NEO1: variants seen among roughly 807,000 people sequenced by gnomAD.
The protein encoded by NEO1 is neogenin.
Under a neutral mutation model 159.7 loss-of-function variants are expected in NEO1, and 63 were observed. That is an observed-to-expected ratio of 0.39 (90% CI 0.32 to 0.49). The LOEUF (loss-of-function observed/expected upper bound fraction) is 0.49. NEO1 is among the 20% of genes least tolerant of loss of function. The probability of loss-of-function intolerance (pLI) is 0.85; values close to 1 mark genes in which losing one functional copy is unlikely to be tolerated. For synonymous variants in NEO1, 633 were observed against 662.0 expected (o/e 0.96, Z 0.67); for missense variants, 1,615 against 1,831.0 (o/e 0.88, Z 2.15).
At chr15:73,221,109 G>T (rs1596381197) in intron 7 of NEO1, among the ~76,000 whole-genome samples, 1 of 152,104 alleles carries the variant, frequency 6.6e-6, no homozygotes, top group East Asian at 1.9e-4. Flanking sequence ...TTTTTGGTGT[G>T]GATGTCCTTT....
chr15:73,234,031 C>T (rs960048428), intron 7 of NEO1, among the ~76,000 whole-genome samples: 7 of 152,096 alleles, frequency 4.6e-5, no homozygotes, highest in Non-Finnish European at 1.0e-4. Flanking sequence ...GGGCTCTTTC[C>T]GGTATGCTCT....
chr15:73,149,609 G>A (rs1233944513), intron 5 of NEO1, among the ~76,000 whole-genome samples: 2 of 131,058 alleles, frequency 1.5e-5, no homozygotes, highest in African/African-American at 5.0e-5. Flanking sequence ...GAAAGTAGAA[G>A]GAAAAAAAAG....
chr15:73,063,163 C>T (rs2068056292), intron 1 of NEO1, among the ~76,000 whole-genome samples: 1 of 152,136 alleles, frequency 6.6e-6, no homozygotes, highest in African/African-American at 2.4e-5. Context: ...TGAGCTAGTG[C>T]TAAAGTAATG....
intron 5 of NEO1, among the ~76,000 whole-genome samples, chr15:73,171,745 G>A (rs2034986824): frequency 1.3e-5 from 2 of 151,534 alleles, no homozygotes; most frequent in South Asian, 2.1e-4. Context: ...GGGTTCAAGC[G>A]ATTCTCCGGT....
At chr15:73,089,147 G>T (rs2069535493) in intron 1 of NEO1, among the ~76,000 whole-genome samples, 1 of 152,100 alleles carries the variant, frequency 6.6e-6, no homozygotes, top group Non-Finnish European at 1.5e-5. Flanking sequence ...TGATTATAAT[G>T]ATGAGTGAAC....
chr15:73,084,341 G>T (rs954863168), intron 1 of NEO1, among the ~76,000 whole-genome samples: 1 of 151,986 alleles, frequency 6.6e-6, no homozygotes, highest in Non-Finnish European at 1.5e-5. Context: ...CCACCATTCT[G>T]CTGTCTGCAT....
chr15:73,057,684 CA>C (rs980339392), intron 1 of NEO1, among the ~76,000 whole-genome samples: 1 of 151,788 alleles, frequency 6.6e-6, no homozygotes, highest in Non-Finnish European at 1.5e-5. Context: ...TAAATAGTGA[CA>C]AAAAAAGGCA....
At position 73,177,767 on chromosome 15, in the gene NEO1, C is replaced by G. The variant is rs180878870; in HGVS notation, c.1171-540C>G. 3.7e-3 allele frequency among the ~76,000 whole-genome samples: 563 copies of G among 152,216 alleles called. 3 individuals carry two copies. The highest frequency in any genetic ancestry group is 0.012 in the African/African-American group (516 of 41,536). On this transcript the variant is annotated intron_variant, in intron 6 of 28. Transcript: ENST00000261908. ...TGTTGCTCAGTCTGGTCTTCAGCGC[C>G]TGGGCTCAAGTGATACTCCTGCCTC...
intron 7 of NEO1, among the ~76,000 whole-genome samples, chr15:73,198,529 T>G (rs915412356): frequency 2.0e-5 from 3 of 146,596 alleles, no homozygotes; most frequent in Admixed American, 1.4e-4. Context: ...AAGCTTTTGG[T>G]TTTTTTTTTT....
Position 73,295,125 on chromosome 15 carries a change from A to AATATATATATATAT in NEO1, c.3901+1582_3901+1595dup, listed in dbSNP as rs10524460. On this transcript the variant is annotated intron_variant, in intron 26 of 28. Coordinates refer to ENST00000261908, the MANE Select transcript of NEO1 (RefSeq NM_002499.4). ...AAGATCCCGTCTCTACTAAATATTA[A>AATATATATATATAT]ATATATATATATATATATGTAAAAA... Among the ~76,000 whole-genome samples the AATATATATATATAT allele has an allele frequency of 1.4e-3, 139 of 100,148 alleles. 5 individuals carry two copies. Among genetic ancestry groups the AATATATATATATAT allele is most frequent in the Non-Finnish European group, 2.1e-3 (97 of 45,916 alleles). 65.7% of individuals were successfully genotyped at this position (100,148 alleles called of 152,430 possible). A position where few individuals can be genotyped will look rare whatever the true frequency, so the allele number is the denominator to read the frequency against.
chr15:73,146,448 G>T (rs2032905191), intron 5 of NEO1, among the ~76,000 whole-genome samples: 1 of 152,054 alleles, frequency 6.6e-6, no homozygotes, highest in Non-Finnish European at 1.5e-5. Flanking sequence ...ATATTTTTAA[G>T]GTATTACTGT....
chr15:73,072,966 C>T (rs1326291509), intron 1 of NEO1, among the ~76,000 whole-genome samples: 4 of 152,120 alleles, frequency 2.6e-5, no homozygotes, highest in South Asian at 2.1e-4. Context: ...ATGTCTTTTA[C>T]GGAGAAAGAA....
Position 73,052,664 on chromosome 15 carries a change from C to A in NEO1, c.-12C>A. On this transcript the variant is annotated 5_prime_UTR_variant, in exon 1 of 29. Coordinates refer to ENST00000261908, the MANE Select transcript of NEO1 (RefSeq NM_002499.4). ...GCTGTCGCCGCCGCTGCCGCTCACT[C>A]TCGGGGAAGAGATGGCGGCGGAGCG... is the stretch of plus-strand genomic sequence containing the variant. The A allele has an allele frequency of 7.6e-7, 1 of 1,321,462 alleles. No individual in the cohort carries two copies. The highest frequency in any genetic ancestry group is 1.7e-5 in the South Asian group (1 of 59,244). The allele number at this position is 1,321,462 out of a possible 1,614,324, so 81.9% of individuals were successfully genotyped here.
At chr15:73,169,570 T>G (rs1434088971) in intron 5 of NEO1, among the ~76,000 whole-genome samples, 1 of 151,906 alleles carries the variant, frequency 6.6e-6, no homozygotes, top group South Asian at 2.1e-4. Flanking sequence ...ACATTGCTTA[T>G]GATGATTTTT....
At chr15:73,080,840 C>A (rs1445119564) in intron 1 of NEO1, among the ~76,000 whole-genome samples, 1 of 151,972 alleles carries the variant, frequency 6.6e-6, no homozygotes, top group Non-Finnish European at 1.5e-5. Context: ...AGGTGTGCTG[C>A]AGCCAAGGTG....
chr15:73,099,401 C>A (rs1409591476), intron 1 of NEO1, among the ~76,000 whole-genome samples: 1 of 152,180 alleles, frequency 6.6e-6, no homozygotes, highest in Non-Finnish European at 1.5e-5. Context: ...AATTCTAGAA[C>A]CTGGTTTACA....
At position 73,145,472 on chromosome 15, in the gene NEO1, G is replaced by A. The variant is rs1033936988; in HGVS notation, c.1015+9445G>A. Among the ~76,000 whole-genome samples the A allele has an allele frequency of 2.0e-5, 3 of 152,150 alleles. No homozygotes were observed. The East Asian group carries it at 5.8e-4, about 29-fold the overall frequency. On this transcript the variant is annotated intron_variant, in intron 5 of 28. Transcript: ENST00000261908. Reference sequence around the variant, plus strand: ...AATAAGGATGTGTGCAAAGATTTATGCATGGAAGTATGCATGCAATGATGT... The same window carrying A: ...AATAAGGATGTGTGCAAAGATTTATACATGGAAGTATGCATGCAATGATGT...
At position 73,229,389 on chromosome 15, in the gene NEO1, A is replaced by G. The variant is rs1270408820; in HGVS notation, c.1292-6958A>G. Among the ~76,000 whole-genome samples the G allele has an allele frequency of 2.0e-5, 3 of 151,092 alleles. 1 individual carries two copies. Among genetic ancestry groups the G allele is most frequent in the South Asian group, 4.1e-4 (2 of 4,820 alleles). ...TTCATTTTTGGATTGTTCCTAAAAT[A>G]TAGAACTACAGTTGGTTTTCATATC... On this transcript the variant is annotated intron_variant, in intron 7 of 28. Coordinates refer to ENST00000261908, the MANE Select transcript of NEO1 (RefSeq NM_002499.4).
intron 2 of NEO1, 28 bp from the exon 3 acceptor site, chr15:73,122,497 T>G: frequency 1.3e-6 from 2 of 1,590,834 alleles, no homozygotes; most frequent in Admixed American, 1.8e-5. Context: ...TAAATAAATT[T>G]TATTTCTTCT....
Sources: allele counts gnomAD v4.1 joint callset (sites outside exome capture counted in the v4.1 genomes callset), GRCh38; gene constraint gnomAD v4.1.1; transcripts MANE v1.5; gene names NCBI Gene and HGNC (gene_info 2026-07-23, HGNC 2026-07-21).